The following NKAIN3 variants were observed in gnomAD, a reference collection of about 807,000 sequenced individuals.
NKAIN3 encodes sodium/potassium-transporting ATPase subunit beta-1-interacting protein 3.
Under a neutral mutation model 30.2 loss-of-function variants are expected in NKAIN3, and 25 were observed. That is an observed-to-expected ratio of 0.83 (90% CI 0.60 to 1.16). The LOEUF is 1.16. Ranked by LOEUF, NKAIN3 falls within the 50% of genes most tolerant of loss-of-function variation. NKAIN3 has a pLI of 0.00. For synonymous variants in NKAIN3, 91 were observed against 89.6 expected (o/e 1.02, Z -0.09); for missense variants, 225 against 254.1 (o/e 0.89, Z 0.78).
At chr8:62,824,944 C>T (rs1818973392) in intron 4 of NKAIN3, among the ~76,000 whole-genome samples, 1 of 152,166 alleles carries the variant, frequency 6.6e-6, no homozygotes, top group Non-Finnish European at 1.5e-5. Context: ...TGAAGATTGT[C>T]ATATCACAGA....
chr8:62,479,116 G>A (rs973258297), intron 1 of NKAIN3, among the ~76,000 whole-genome samples: 6 of 152,122 alleles, frequency 3.9e-5, no homozygotes, highest in Non-Finnish European at 5.9e-5. Context: ...GGTTGCACTC[G>A]ATATGTCACT....
At chr8:62,355,081 G>A (rs1281466398) in intron 1 of NKAIN3, among the ~76,000 whole-genome samples, 2 of 152,150 alleles carry the variant, frequency 1.3e-5, no homozygotes, top group Non-Finnish European at 2.9e-5. Context: ...AGGGCAGTCA[G>A]CACTTCACTG....
At chr8:62,823,564 G>C (rs2130734430) in intron 4 of NKAIN3, among the ~76,000 whole-genome samples, 1 of 152,272 alleles carries the variant, frequency 6.6e-6, no homozygotes, top group South Asian at 2.1e-4. Flanking sequence ...TCAACAAAAA[G>C]AAGAATGTTG....
At chr8:62,617,605 C>A (rs1289468035) in intron 3 of NKAIN3, among the ~76,000 whole-genome samples, 1 of 152,156 alleles carries the variant, frequency 6.6e-6, no homozygotes, top group African/African-American at 2.4e-5. Flanking sequence ...CCAAAGAGTG[C>A]CCTTTCTCCT....
chr8:62,524,029 T>A (rs950825236), intron 1 of NKAIN3, among the ~76,000 whole-genome samples: 1 of 152,132 alleles, frequency 6.6e-6, no homozygotes, highest in Non-Finnish European at 1.5e-5. Flanking sequence ...AGGATGATGA[T>A]GATCTAGTCT....
chr8:62,757,141 G>A (rs896099223), intron 4 of NKAIN3, among the ~76,000 whole-genome samples: 4 of 152,102 alleles, frequency 2.6e-5, no homozygotes, highest in Admixed American at 2.6e-4. Context: ...AGGGCTTATG[G>A]AAATATTAGA....
intron 4 of NKAIN3, among the ~76,000 whole-genome samples, chr8:62,780,571 CA>C (rs1294252383): frequency 6.6e-6 from 1 of 151,694 alleles, no homozygotes; most frequent in Non-Finnish European, 1.5e-5. Flanking sequence ...AACAGCATAT[CA>C]AAAAAATAAT....
At chr8:62,918,626 A>G in intron 5 of NKAIN3, 113 bp downstream of exon 5, 1 of 754,512 alleles carries the variant, frequency 1.3e-6, no homozygotes, top group East Asian at 2.7e-5. Flanking sequence ...GTCTAAAATG[A>G]TTGAACTCAG....
Position 62,930,124 on chromosome 8 carries a change from G to T in NKAIN3, c.532+11611G>T, listed in dbSNP as rs191638037. Among the ~76,000 whole-genome samples the T allele has an allele frequency of 2.6e-4, 40 of 152,294 alleles. No individual in the cohort carries two copies. The East Asian group carries it at 6.2e-3, about 24-fold the overall frequency. ...CTCAGTGGCATTAGGTACATTCAGA[G>T]TGTTGTGCGACCATCACTACTATCA... is the stretch of plus-strand genomic sequence containing the variant. On this transcript the variant is annotated intron_variant, in intron 5 of 6. Transcript: ENST00000623646.
chr8:62,771,866 T>G (rs529247139), intron 4 of NKAIN3, among the ~76,000 whole-genome samples: 1 of 152,316 alleles, frequency 6.6e-6, no homozygotes, highest in Admixed American at 6.5e-5. Flanking sequence ...TCAGAATAAT[T>G]GGGATATCCA....
intron 1 of NKAIN3, among the ~76,000 whole-genome samples, chr8:62,484,115 G>A (rs1057271965): frequency 2.6e-5 from 4 of 152,126 alleles, no homozygotes; most frequent in Admixed American, 1.3e-4. Context: ...GTGCACTCAG[G>A]GTAAAGCCAG....
intron 1 of NKAIN3, among the ~76,000 whole-genome samples, chr8:62,265,565 T>G (rs1812576757): frequency 6.6e-6 from 1 of 152,206 alleles, no homozygotes; most frequent in Non-Finnish European, 1.5e-5. Context: ...AAATTTAAAA[T>G]AATGTAACTT....
At chr8:62,282,774 G>A (rs1332175034) in intron 1 of NKAIN3, among the ~76,000 whole-genome samples, 1 of 152,168 alleles carries the variant, frequency 6.6e-6, no homozygotes, top group African/African-American at 2.4e-5. Context: ...GAATATTCAA[G>A]TTTCTAGACC....
At chr8:62,950,907 T>C (rs938213432) in intron 5 of NKAIN3, among the ~76,000 whole-genome samples, 1 of 150,212 alleles carries the variant, frequency 6.7e-6, no homozygotes, top group Non-Finnish European at 1.5e-5. Context: ...CATAGTCTTA[T>C]CAAGGTATGC....
chr8:62,372,281 AC>A (rs1186519779), intron 1 of NKAIN3, among the ~76,000 whole-genome samples: 1 of 151,948 alleles, frequency 6.6e-6, no homozygotes, highest in Admixed American at 6.5e-5. Context: ...TTAGGTAGAT[AC>A]TGAAGATTAT....
At chr8:62,935,086 A>C (rs1822743297) in intron 5 of NKAIN3, among the ~76,000 whole-genome samples, 1 of 152,080 alleles carries the variant, frequency 6.6e-6, no homozygotes, top group African/African-American at 2.4e-5. Flanking sequence ...AGAAGATAAA[A>C]CCATTATTCC....
intron 5 of NKAIN3, among the ~76,000 whole-genome samples, chr8:62,997,755 TAA>T (rs56261705): frequency 1.5e-3 from 218 of 145,514 alleles, no homozygotes; most frequent in East Asian, 2.4e-3. Flanking sequence ...CTCTTTTCTT[TAA>T]AAAAAAAAAA....
intron 4 of NKAIN3, among the ~76,000 whole-genome samples, chr8:62,786,807 G>T (rs578036716): frequency 6.6e-6 from 1 of 152,274 alleles, no homozygotes; most frequent in African/African-American, 2.4e-5. Context: ...TGATGATTTG[G>T]TTACTTCTTA....
At position 62,260,939 on chromosome 8, in the gene NKAIN3, G is replaced by T. The variant is rs116436724; in HGVS notation, c.54+11812G>T. Among the ~76,000 whole-genome samples the T allele has an allele frequency of 6.5e-3, 982 of 152,238 alleles. 6 individuals carry two copies. Among genetic ancestry groups the T allele is most frequent in the African/African-American group, 0.022 (910 of 41,526 alleles). On this transcript the variant is annotated intron_variant, in intron 1 of 6. Coordinates refer to ENST00000623646, the MANE Select transcript of NKAIN3 (RefSeq NM_001304533.3). ...ATGGTGGAAATTCTGTATAACAGAG[G>T]ATTATCTATTGAGTATCTCTTCCCA...
Sources: allele counts gnomAD v4.1 joint callset (sites outside exome capture counted in the v4.1 genomes callset), GRCh38; gene constraint gnomAD v4.1.1; transcripts MANE v1.5; gene names NCBI Gene and HGNC (gene_info 2026-07-23, HGNC 2026-07-21).